The following DNHD1 variants were observed in gnomAD, a reference collection of about 807,000 sequenced individuals.
The protein encoded by DNHD1 is dynein heavy chain domain-containing protein 1.
In DNHD1, 383 loss-of-function variants were observed where a neutral mutation model predicts 458.1. The ratio of observed to expected loss-of-function variants is 0.84; its 90% CI spans 0.77 to 0.91. DNHD1 has a LOEUF of 0.91. Ranked by LOEUF, DNHD1 falls within the 40% of genes least tolerant of loss-of-function variation. DNHD1 has a pLI of 0.00. For synonymous variants in DNHD1, 2,203 were observed against 2,376.9 expected (o/e 0.93, Z 2.13); for missense variants, 5,336 against 5,866.1 (o/e 0.91, Z 2.95).
In DNHD1 at chr11:6,545,476, G is replaced by A; in HGVS notation, c.4537G>A (p.Val1513Met). Residue 1513 changes from valine (V) to methionine (M), a missense_variant, in exon 21 of 43, where the codon GTG (valine) becomes ATG (methionine). This residue lies in a region of DNHD1 where 3,932 missense variants were observed against 4,365.6 expected (regional missense o/e 0.90). Coordinates refer to ENST00000254579, the MANE Select transcript of DNHD1 (RefSeq NM_144666.3). This position sits in a 1 kb window ranked among gnomAD's most constrained non-coding sequence, Gnocchi z 4.9. ...GGCCTTCCCATGGCAGTGTGTGCTG[G>A]TGGCAGAGGAGGTGGTATGGCGGGC... is the stretch of plus-strand genomic sequence containing the variant. The part of the protein sequence containing the change: ...VQAFPWQCVL[V>M]AEEVVWRAEM... 6.4e-7 allele frequency: 1 copy of A among 1,551,854 alleles called. No individual in the cohort carries two copies. The highest frequency in any genetic ancestry group is 8.7e-7 in the Non-Finnish European group (1 of 1,147,024).
At chr11:6,526,076 A>G (rs1852706050) in intron 10 of DNHD1, among the ~76,000 whole-genome samples, 1 of 152,032 alleles carries the variant, frequency 6.6e-6, no homozygotes, top group African/African-American at 2.4e-5. Context: ...CTGATACATT[A>G]GATCCTTATC....
rs1345616856 is a variant in DNHD1, at chr11:6,556,872, C to A, written c.7577C>A (p.Ala2526Asp). 1.9e-6 allele frequency: 3 copies of A among 1,551,526 alleles called. No homozygotes were observed. The African/African-American group carries it at 4.1e-5, about 21-fold the overall frequency. ...CTCTTTCGACTCTTCACAGTCCTGG[C>A]CCTGGAAAGCATGACCCAGGCCACC... is the stretch of plus-strand genomic sequence containing the variant. ...PRLFRLFTVL[A>D]LESMTQATLL... Residue 2526 changes from alanine (A) to aspartate (D), a missense_variant, in exon 25 of 43, where the codon GCC (alanine) becomes GAC (aspartate). By Grantham distance (126) the Ala-to-Asp change is moderately radical (BLOSUM62 -2). Around this residue, in one of 4 missense-constraint regions of DNHD1, gnomAD observed 3,932 missense variants for 4,365.6 expected, o/e 0.90. Transcript: ENST00000254579.
intron 28 of DNHD1, among the ~76,000 whole-genome samples, chr11:6,560,475 A>G (rs1589893798): frequency 6.6e-6 from 1 of 152,230 alleles, no homozygotes; most frequent in African/African-American, 2.4e-5. Context: ...AGTTGCAAAG[A>G]AAGAAAAGAA....
Position 6,538,611 on chromosome 11 carries a change from G to T in DNHD1, c.3127-1G>T. ...CTGACAGTGAGCCCTTCTCCCTGCA[G>T]TTCAGCCCAGCTATGGCCCAGGAGA... On this transcript the variant is annotated splice_acceptor_variant, in intron 15 of 42. Transcript: ENST00000254579. LOFTEE classifies it high-confidence loss of function. 6.5e-7 allele frequency: 1 copy of T among 1,546,746 alleles called. No individual in the cohort carries two copies. Among genetic ancestry groups the T allele is most frequent in the Non-Finnish European group, 8.7e-7 (1 of 1,143,820 alleles).
rs1312396535 is a variant in DNHD1 at position 6,556,856 on chromosome 11, C to G, written c.7561C>G (p.Leu2521Val). The change falls in exon 25 of 43, where the codon CTC (leucine) becomes GTC (valine). Residue 2521 changes from leucine (L) to valine (V), a missense_variant. Leu to Val is a conservative substitution (Grantham distance 32). Transcript: ENST00000254579. Reference protein sequence around the residue: ...ERPLCPRLFRLFTVLALESMT... With the variant: ...ERPLCPRLFRVFTVLALESMT... ...CCCACTGTGTCCACGCCTCTTTCGA[C>G]TCTTCACAGTCCTGGCCCTGGAAAG... is the stretch of plus-strand genomic sequence containing the variant. The G allele has an allele frequency of 6.4e-7, 1 of 1,551,724 alleles. No individual in the cohort carries two copies. Among genetic ancestry groups the G allele is most frequent in the Non-Finnish European group, 8.7e-7 (1 of 1,147,002 alleles).
At chr11:6,538,864 C>T (rs570273947) in intron 16 of DNHD1, 54 bp downstream of exon 16, 23 of 1,418,230 alleles carry the variant, frequency 1.6e-5, no homozygotes, top group Admixed American at 1.1e-4. Context: ...GAGGTTAGAG[C>T]GATGCAGCAA....
chr11:6,512,375 C>CA (rs113521819), intron 7 of DNHD1, among the ~76,000 whole-genome samples: 12,177 of 151,558 alleles, frequency 0.08, 1,213 homozygotes, highest in African/African-American at 0.23. Flanking sequence ...CACCCACCAC[C>CA]ATGCCCGGCT....
chr11:6,514,036 C>T (rs1423668587), intron 7 of DNHD1, among the ~76,000 whole-genome samples: 2 of 151,790 alleles, frequency 1.3e-5, no homozygotes, highest in African/African-American at 4.8e-5. Flanking sequence ...TTAGTAGAGA[C>T]GGGGTTTCAT....
chr11:6,556,918 T>C lies in DNHD1; in HGVS notation c.7623T>C (p.Pro2541=), dbSNP rs114809425. Residue 2541 remains proline, a synonymous_variant, in exon 25 of 43, where the codon CCT becomes CCC. Transcript: ENST00000254579. ...TQATLLERHV[P]IIQAWLERFP... ...CCACCCTGCTGGAAAGACATGTGCC[T>C]ATCATTCAGGCTTGGCTTGAGCGTT... The C allele has an allele frequency of 8.3e-4, 1,295 of 1,551,736 alleles. 9 individuals carry two copies. In the African/African-American group the frequency reaches 0.016, roughly 19 times the overall value.
chr11:6,549,239 CTCA>C (rs560674788), intron 24 of DNHD1, among the ~76,000 whole-genome samples: 28 of 152,262 alleles, frequency 1.8e-4, no homozygotes, highest in Non-Finnish European at 2.8e-4. Context: ...CAACCCTGAG[CTCA>C]TCATCTCCCC....
At chr11:6,529,181 C>T in intron 12 of DNHD1, 60 bp downstream of exon 12, 2 of 1,531,250 alleles carry the variant, frequency 1.3e-6, no homozygotes, top group African/African-American at 1.4e-5. Context: ...TTCACATGGC[C>T]TGCCTTGGTC....
intron 14 of DNHD1, 74 bp from the exon 15 acceptor site, chr11:6,538,309 C>A: frequency 6.9e-7 from 1 of 1,457,936 alleles, no homozygotes; most frequent in South Asian, 1.2e-5. Flanking sequence ...ATTATGGGCT[C>A]TTGACTGATC....
At chr11:6,514,251 G>A (rs927222087) in intron 7 of DNHD1, among the ~76,000 whole-genome samples, 2 of 152,086 alleles carry the variant, frequency 1.3e-5, no homozygotes, top group Admixed American at 6.5e-5. Context: ...TTACAGGTGT[G>A]AGCCACAACA....
chr11:6,520,889 T>C (rs1341007079), intron 10 of DNHD1: 1 of 980,138 alleles, frequency 1.0e-6, no homozygotes, highest in Non-Finnish European at 1.2e-6. Context: ...TCCATACTTT[T>C]TAATTTCCTC....
chr11:6,569,926 GA>G (rs1853800693), intron 39 of DNHD1, 82 bp from the exon 40 acceptor site: 1 of 1,172,992 alleles, frequency 8.5e-7, no homozygotes, highest in Non-Finnish European at 1.2e-6. Flanking sequence ...GCTCAGGAGA[GA>G]GGTTTGAACT....
intron 3 of DNHD1, among the ~76,000 whole-genome samples, chr11:6,499,312 A>T (rs1852092129): frequency 6.6e-6 from 1 of 152,178 alleles, no homozygotes; most frequent in South Asian, 2.1e-4. Context: ...ATTCATTCAT[A>T]ATCACTGAAC....
At chr11:6,523,179 G>A (rs1416083578) in intron 10 of DNHD1, among the ~76,000 whole-genome samples, 1 of 152,172 alleles carries the variant, frequency 6.6e-6, no homozygotes, top group African/African-American at 2.4e-5. Context: ...ACAAAGGATT[G>A]CCTAATTTTA....
intron 14 of DNHD1, among the ~76,000 whole-genome samples, chr11:6,536,754 CCA>C (rs1202816335): frequency 1.3e-5 from 2 of 152,182 alleles, no homozygotes; most frequent in Non-Finnish European, 2.9e-5. Context: ...CTCTTAATCC[CCA>C]GTTTGTCTTT....
intron 24 of DNHD1, among the ~76,000 whole-genome samples, chr11:6,552,438 C>T (rs1035753355): frequency 5.3e-5 from 8 of 151,990 alleles, no homozygotes; most frequent in African/African-American, 7.3e-5. Context: ...GCAGGAGAAT[C>T]GCTTGAACCT....
Sources: gnomAD v4.1 joint callset for allele counts (sites outside exome capture counted in the v4.1 genomes callset) on GRCh38, gnomAD v4.1.1 for gene constraint, gnomAD v4.1.1 regional missense constraint, Gnocchi (gnomAD v3.1) non-coding constraint, MANE v1.5 for transcripts, NCBI Gene and HGNC (gene_info 2026-07-23, HGNC 2026-07-21) for gene names.